Variants in QTMAN observed in about 807,000 individuals in gnomAD.
QTMAN encodes queuosine-tRNA mannosyltransferase.
the QTMAN span, among the ~76,000 whole-genome samples, chr2:143,956,868 A>G: frequency 2.6e-5 from 4 of 152,280 alleles, no homozygotes; most frequent in South Asian, 6.2e-4. Context: ...GAATCCACAC[A>G]GTATGTTCCA....
At chr2:143,943,552 G>C in the QTMAN span, 4 of 152,222 alleles carry the variant, frequency 2.6e-5, no homozygotes, top group African/African-American at 4.8e-5. Context: ...TAATATTTCT[G>C]GGTAGCAGAT....
chr2:143,956,339 C>T, the QTMAN span, among the ~76,000 whole-genome samples: 3 of 152,082 alleles, frequency 2.0e-5, no homozygotes, highest in Non-Finnish European at 4.4e-5. Context: ...GGCTTTGACT[C>T]AATGATGCAT....
the QTMAN span, among the ~76,000 whole-genome samples, chr2:144,286,035 T>C: frequency 6.6e-6 from 1 of 152,116 alleles, no homozygotes; most frequent in Non-Finnish European, 1.5e-5. Context: ...ACAATACAGG[T>C]CTTCGCAGCT....
At chr2:144,060,868 A>G in the QTMAN span, among the ~76,000 whole-genome samples, 12 of 152,244 alleles carry the variant, frequency 7.9e-5, no homozygotes, top group East Asian at 2.3e-3. Flanking sequence ...GTTTATAAAC[A>G]TAAAGCCTAC....
At chr2:144,025,726 A>C in the QTMAN span, among the ~76,000 whole-genome samples, 1 of 152,178 alleles carries the variant, frequency 6.6e-6, no homozygotes. Context: ...GTGCCACACA[A>C]AAGACCCAAC....
chr2:144,322,195 T>C, the QTMAN span, among the ~76,000 whole-genome samples: 248 of 152,322 alleles, frequency 1.6e-3, no homozygotes, highest in African/African-American at 5.7e-3. Flanking sequence ...ATTTGATGAA[T>C]CTGGCCTTCT....
the QTMAN span, among the ~76,000 whole-genome samples, chr2:144,221,001 T>C: frequency 2.0e-4 from 31 of 152,294 alleles, no homozygotes; most frequent in East Asian, 2.5e-3. Flanking sequence ...TGGGGTACAA[T>C]GTGTTACCTC....
At chr2:144,273,352 G>A in the QTMAN span, among the ~76,000 whole-genome samples, 1 of 152,098 alleles carries the variant, frequency 6.6e-6, no homozygotes, top group East Asian at 1.9e-4. Context: ...TTAATCCTCA[G>A]GGAACAAGAC....
chr2:144,123,338 T>A, the QTMAN span, among the ~76,000 whole-genome samples: 11 of 152,278 alleles, frequency 7.2e-5, no homozygotes, highest in Admixed American at 2.6e-4. Flanking sequence ...AGCATTACCA[T>A]GATTAAAAGT....
chr2:144,111,224 G>A, the QTMAN span, among the ~76,000 whole-genome samples: 2 of 152,110 alleles, frequency 1.3e-5, no homozygotes, highest in Non-Finnish European at 2.9e-5. Context: ...AGTGAATAAG[G>A]TAAGAAGGTA....
the QTMAN span, among the ~76,000 whole-genome samples, chr2:144,254,217 T>C: frequency 6.6e-6 from 1 of 151,408 alleles, no homozygotes; most frequent in Admixed American, 6.6e-5. Context: ...AGGTCAGGAG[T>C]TCAAGACCAG....
chr2:144,291,829 T>G, the QTMAN span, among the ~76,000 whole-genome samples: 1 of 152,202 alleles, frequency 6.6e-6, no homozygotes, highest in South Asian at 2.1e-4. Context: ...CTACCACTTG[T>G]CTGAATCATT....
the QTMAN span, among the ~76,000 whole-genome samples, chr2:144,307,306 G>T: frequency 6.7e-6 from 1 of 149,866 alleles, no homozygotes; most frequent in Non-Finnish European, 1.5e-5. Context: ...AAAATAAAAG[G>T]GAACTTGCTC....
the QTMAN span, among the ~76,000 whole-genome samples, chr2:144,071,357 T>C: frequency 6.6e-6 from 1 of 152,184 alleles, no homozygotes; most frequent in East Asian, 1.9e-4. Flanking sequence ...TTGGTTTTTT[T>C]ATTGTGTAAA....
the QTMAN span, among the ~76,000 whole-genome samples, chr2:144,254,497 G>A: frequency 6.6e-6 from 1 of 152,270 alleles, no homozygotes; most frequent in African/African-American, 2.4e-5. Flanking sequence ...AAGATGCATG[G>A]AAACACCTGG....
the QTMAN span, chr2:143,940,339 G>GT: frequency 2.2e-4 from 33 of 152,328 alleles, no homozygotes; most frequent in African/African-American, 7.0e-4. Context: ...AGGGTGTGTT[G>GT]TAAGTGCAAG....
At chr2:144,286,024 G>C in the QTMAN span, among the ~76,000 whole-genome samples, 11 of 152,210 alleles carry the variant, frequency 7.2e-5, no homozygotes, top group Middle Eastern at 3.4e-3. Context: ...ATTATAAATA[G>C]ACAATACAGG....
At chr2:144,325,214 G>T in the QTMAN span, among the ~76,000 whole-genome samples, 9 of 152,194 alleles carry the variant, frequency 5.9e-5, no homozygotes, top group Non-Finnish European at 8.8e-5. Flanking sequence ...TAAACATCTT[G>T]AGATTGGACA....
the QTMAN span, among the ~76,000 whole-genome samples, chr2:143,981,337 G>GTT: frequency 6.8e-6 from 1 of 147,016 alleles, no homozygotes. Context: ...GAAGAACCAT[G>GTT]TTTTTTTTTT....
Sources: allele counts gnomAD v4.1 joint callset (sites outside exome capture counted in the v4.1 genomes callset), GRCh38; gene constraint gnomAD v4.1.1; transcripts MANE v1.5; gene names NCBI Gene and HGNC (gene_info 2026-07-23, HGNC 2026-07-21).